CCDC7: variants seen among roughly 807,000 people sequenced by gnomAD.
The protein encoded by CCDC7 is coiled-coil domain-containing protein 7.
A neutral mutation model predicts 196.9 loss-of-function variants in CCDC7; 183 were observed. That is an observed-to-expected ratio of 0.93 (90% confidence interval 0.82 to 1.05). CCDC7 has a LOEUF of 1.05. Ranked by LOEUF, CCDC7 falls within the 50% of genes least tolerant of loss-of-function variation. The probability of loss-of-function intolerance (pLI) is 0.00; values close to 1 mark genes in which losing one functional copy is unlikely to be tolerated. For synonymous variants in CCDC7, 525 were observed against 484.6 expected (o/e 1.08, Z -1.10); for missense variants, 1,540 against 1,482.2 (o/e 1.04, Z -0.64).
chr10:32,847,624 G>T (rs2093358630), intron 37 of CCDC7, among the ~76,000 whole-genome samples: 1 of 150,674 alleles, frequency 6.6e-6, no homozygotes, highest in Admixed American at 6.6e-5. Context: ...GCCAAGGCGG[G>T]GGACCACTTG....
chr10:32,700,602 G>A (rs1287930719), intron 24 of CCDC7, among the ~76,000 whole-genome samples: 2 of 152,138 alleles, frequency 1.3e-5, no homozygotes, highest in Non-Finnish European at 2.9e-5. Flanking sequence ...AAAGTCGTTG[G>A]TAGCTAGATG....
chr10:32,455,667 C>G (rs1453967596), intron 2 of CCDC7, among the ~76,000 whole-genome samples: 1 of 152,158 alleles, frequency 6.6e-6, no homozygotes, highest in Non-Finnish European at 1.5e-5. Context: ...TGGAGAACCA[C>G]TCTATGAAAA....
intron 21 of CCDC7, among the ~76,000 whole-genome samples, chr10:32,678,171 T>G (rs1460624465): frequency 1.3e-5 from 2 of 152,110 alleles, no homozygotes; most frequent in Non-Finnish European, 2.9e-5. Flanking sequence ...TCACTGAGCT[T>G]GTTTAAGGCC....
chr10:32,864,803 T>C (rs748681019), intron 41 of CCDC7, among the ~76,000 whole-genome samples: 7 of 151,924 alleles, frequency 4.6e-5, no homozygotes, highest in African/African-American at 1.2e-4. Flanking sequence ...CTCATTCTTA[T>C]AGATGTCAAT....
intron 20 of CCDC7, among the ~76,000 whole-genome samples, chr10:32,656,537 GA>G (rs1268569870): frequency 6.6e-6 from 1 of 152,180 alleles, no homozygotes; most frequent in Non-Finnish European, 1.5e-5. Flanking sequence ...ATCAAAGGGG[GA>G]AAGCACCTCA....
chr10:32,443,375 G>A (rs1215093480), upstream of CCDC7, among the ~76,000 whole-genome samples: 2 of 152,024 alleles, frequency 1.3e-5, no homozygotes, highest in Non-Finnish European at 2.9e-5. Flanking sequence ...CATAAACCCA[G>A]TTGCTGTTAC....
chr10:32,719,057 G>T (rs181910488), intron 25 of CCDC7, among the ~76,000 whole-genome samples: 4 of 152,046 alleles, frequency 2.6e-5, no homozygotes, highest in Non-Finnish European at 4.4e-5. Flanking sequence ...AAAAGAGCCC[G>T]TATAGTCAAG....
chr10:32,592,501 C>T (rs2059872414), intron 18 of CCDC7, among the ~76,000 whole-genome samples: 1 of 151,882 alleles, frequency 6.6e-6, no homozygotes, highest in Non-Finnish European at 1.5e-5. Flanking sequence ...TTCGCTGCAT[C>T]TTATAAGTTT....
At chr10:32,646,601 A>C (rs762206909) in intron 20 of CCDC7, among the ~76,000 whole-genome samples, 1 of 152,172 alleles carries the variant, frequency 6.6e-6, no homozygotes, top group Non-Finnish European at 1.5e-5. Flanking sequence ...CTTTTCTTTC[A>C]GATAAAGGTG....
At chr10:32,686,278 G>A (rs1029761160) in intron 22 of CCDC7, among the ~76,000 whole-genome samples, 198 bp downstream of exon 23, 1 of 152,170 alleles carries the variant, frequency 6.6e-6, no homozygotes, top group African/African-American at 2.4e-5. Context: ...ACGGTATTTT[G>A]TAGCCATGAT....
At chr10:32,791,695 G>T (rs2082724638) in intron 29 of CCDC7, among the ~76,000 whole-genome samples, 1 of 151,654 alleles carries the variant, frequency 6.6e-6, no homozygotes, top group South Asian at 2.1e-4. Context: ...AAAAAAGAAT[G>T]AAAAAGAATG....
intron 32 of CCDC7, among the ~76,000 whole-genome samples, chr10:32,828,247 T>C (rs2091439515): frequency 6.6e-6 from 1 of 151,996 alleles, no homozygotes; most frequent in South Asian, 2.1e-4. Flanking sequence ...ATGTCTTTGC[T>C]TATAACTCCT....
intron 20 of CCDC7, among the ~76,000 whole-genome samples, chr10:32,661,641 C>G (rs1365023626): frequency 6.6e-6 from 1 of 152,094 alleles, no homozygotes. Flanking sequence ...GGCAAGTTCC[C>G]TTTTGGCCCA....
At chr10:32,768,016 G>A (rs2078603857) in intron 28 of CCDC7, among the ~76,000 whole-genome samples, 1 of 151,954 alleles carries the variant, frequency 6.6e-6, no homozygotes, top group Admixed American at 6.6e-5. Flanking sequence ...AAGTGATCAA[G>A]TAGAAGAAAG....
exon 30 of CCDC7, chr10:32,805,050 A>G (rs1226844236): frequency 6.2e-7 from 1 of 1,612,514 alleles, no homozygotes. Context: ...TGCTTTGGGA[A>G]GACGCTTATT....
rs535348128 is a variant in CCDC7 at position 32,678,881 on chromosome 10, G to A, written c.2123-7089G>A. Among the ~76,000 whole-genome samples, 8 of 152,172 alleles carry A rather than the reference G, an allele frequency of 5.3e-5. No homozygotes were observed. In the East Asian group the frequency reaches 1.5e-3, roughly 29 times the overall value. On this transcript the variant is annotated intron_variant, in intron 21 of 41. Coordinates refer to ENST00000639629, the Ensembl canonical transcript of CCDC7. ...GTAGCCTCTCATTTGAATTCCAGAG[G>A]TCTCATAAAGGTAATTTTATCCTTG...
intron 8 of CCDC7, among the ~76,000 whole-genome samples, chr10:32,480,546 T>C (rs955835910): frequency 1.4e-4 from 22 of 152,202 alleles, no homozygotes; most frequent in African/African-American, 5.1e-4. Flanking sequence ...CTGCATCACA[T>C]AAATTTTGGT....
At chr10:32,658,647 T>C (rs929158283) in intron 20 of CCDC7, among the ~76,000 whole-genome samples, 1 of 152,270 alleles carries the variant, frequency 6.6e-6, no homozygotes, top group East Asian at 1.9e-4. Context: ...AAATGTGCTG[T>C]ATATATACAC....
chr10:32,593,460 A>G (rs1416433256), intron 18 of CCDC7, among the ~76,000 whole-genome samples: 1 of 152,180 alleles, frequency 6.6e-6, no homozygotes, highest in African/African-American at 2.4e-5. Flanking sequence ...CCTTTGTCAG[A>G]TGGGTAGATT....
Sources: allele counts gnomAD v4.1 joint callset (sites outside exome capture counted in the v4.1 genomes callset), GRCh38; gene constraint gnomAD v4.1.1; transcripts MANE v1.5; gene names NCBI Gene and HGNC (gene_info 2026-07-23, HGNC 2026-07-21).